Variants in EYS observed in about 807,000 individuals in gnomAD.
EYS encodes EGF-like photoreceptor maintenance factor, also known as protein eyes shut homolog.
A neutral mutation model predicts 282.1 loss-of-function variants in EYS; 250 were observed. The ratio of observed to expected loss-of-function variants is 0.89; its 90% confidence interval spans 0.80 to 0.98. EYS has a LOEUF of 0.98. Ranked by LOEUF, EYS falls within the 50% of genes least tolerant of loss-of-function variation. The pLI is 0.00. For missense variants in EYS, 4,016 were observed against 3,709.0 expected, an observed-to-expected ratio of 1.08 and a Z score of -2.15; for synonymous variants, 1,355 against 1,282.9, an observed-to-expected ratio of 1.06 and a Z score of -1.20.
intron 19 of EYS, among the ~76,000 whole-genome samples, chr6:64,852,716 G>A (rs1474408325): frequency 2.6e-5 from 4 of 152,070 alleles, no homozygotes; most frequent in Admixed American, 2.6e-4. Context: ...GATACAGGGA[G>A]AAATGGCATG....
chr6:65,429,480 T>C (rs541694581), intron 5 of EYS, among the ~76,000 whole-genome samples: 1 of 152,322 alleles, frequency 6.6e-6, no homozygotes, highest in African/African-American at 2.4e-5. Context: ...TATAGCCTTA[T>C]AGCTAAAGAG....
intron 12 of EYS, among the ~76,000 whole-genome samples, chr6:65,149,639 T>C (rs1196306882): frequency 6.6e-6 from 1 of 151,950 alleles, no homozygotes; most frequent in Non-Finnish European, 1.5e-5. Context: ...AGCATTTTGG[T>C]CAAAACCATT....
intron 19 of EYS, among the ~76,000 whole-genome samples, chr6:64,844,635 CT>C (rs1408615210): frequency 4.7e-5 from 7 of 149,362 alleles, no homozygotes; most frequent in African/African-American, 1.8e-4. Flanking sequence ...TGATACCAAG[CT>C]TTTTGAAACC....
intron 12 of EYS, among the ~76,000 whole-genome samples, chr6:65,121,038 A>G (rs1421212793): frequency 6.6e-6 from 1 of 151,576 alleles, no homozygotes; most frequent in East Asian, 1.9e-4. Context: ...TCATTTCCTG[A>G]ATTCATTATG....
chr6:65,287,488 C>G (rs1350812137), intron 12 of EYS, among the ~76,000 whole-genome samples: 1 of 151,472 alleles, frequency 6.6e-6, no homozygotes, highest in African/African-American at 2.4e-5. Flanking sequence ...GTTGCCAGAT[C>G]ACTAATTAAA....
At chr6:65,392,441 C>G (rs147642121) in intron 7 of EYS, among the ~76,000 whole-genome samples, 9,036 of 152,168 alleles carry the variant, frequency 0.059, 406 homozygotes, top group African/African-American at 0.12. Flanking sequence ...GGGCTAATAT[C>G]CAGAATCTAC....
chr6:64,128,771 C>G (rs1481262327), intron 31 of EYS, among the ~76,000 whole-genome samples: 4 of 152,128 alleles, frequency 2.6e-5, no homozygotes, highest in African/African-American at 9.7e-5. Flanking sequence ...TGCATGCCTT[C>G]TAAGCAATAA....
chr6:65,475,756 G>GACACAC (rs545961939), intron 5 of EYS, among the ~76,000 whole-genome samples: 31 of 145,988 alleles, frequency 2.1e-4, no homozygotes, highest in African/African-American at 5.4e-4. Flanking sequence ...CAGACAGACA[G>GACACAC]ACACACACAC....
At chr6:64,004,444 C>A (rs1032216253) in intron 33 of EYS, among the ~76,000 whole-genome samples, 2 of 146,656 alleles carry the variant, frequency 1.4e-5, no homozygotes, top group African/African-American at 5.2e-5. Flanking sequence ...TAAGTATTAT[C>A]AAAGTTTGAA....
At chr6:63,892,641 C>T (rs59178556) in intron 35 of EYS, among the ~76,000 whole-genome samples, 10 of 152,036 alleles carry the variant, frequency 6.6e-5, no homozygotes, top group South Asian at 2.1e-4. Context: ...AAGAAAACCT[C>T]GGCAATACCA....
chr6:63,749,794 G>GC (rs1416374182), intron 41 of EYS, among the ~76,000 whole-genome samples: 1 of 152,086 alleles, frequency 6.6e-6, no homozygotes, highest in Non-Finnish European at 1.5e-5. Flanking sequence ...GTGCATAGTA[G>GC]CCCCCTCCAG....
intron 29 of EYS, among the ~76,000 whole-genome samples, chr6:64,365,722 C>T (rs577762292): frequency 6.6e-6 from 1 of 152,040 alleles, no homozygotes; most frequent in Admixed American, 6.6e-5. Context: ...ATAAATTAGA[C>T]ACAATAAAAT....
intron 2 of EYS, among the ~76,000 whole-genome samples, chr6:65,552,501 T>G (rs1422403807): frequency 6.6e-6 from 1 of 152,168 alleles, no homozygotes; most frequent in Non-Finnish European, 1.5e-5. Flanking sequence ...ACTGCAATTT[T>G]TTTTTCAAAT....
At chr6:64,566,148 A>C (rs1278865192) in intron 26 of EYS, among the ~76,000 whole-genome samples, 1 of 152,108 alleles carries the variant, frequency 6.6e-6, no homozygotes, top group Admixed American at 6.6e-5. Context: ...TATAAGGAGG[A>C]AAGAAGACTT....
At chr6:65,180,139 C>G (rs542743916) in intron 12 of EYS, among the ~76,000 whole-genome samples, 10 of 151,964 alleles carry the variant, frequency 6.6e-5, no homozygotes, top group Admixed American at 6.6e-4. Flanking sequence ...CCTTTGAAAA[C>G]GGGCACAAGA....
At chr6:63,824,641 A>C (rs1771410177) in intron 36 of EYS, among the ~76,000 whole-genome samples, 1 of 152,168 alleles carries the variant, frequency 6.6e-6, no homozygotes. Flanking sequence ...GGAGAAGCTG[A>C]AGGTCCAGGT....
intron 35 of EYS, among the ~76,000 whole-genome samples, chr6:63,956,959 A>G (rs1463273672): frequency 2.0e-5 from 3 of 152,182 alleles, no homozygotes; most frequent in Non-Finnish European, 1.5e-5. Flanking sequence ...CACTTTTACT[A>G]TAGCTTCATC....
At chr6:64,518,245 G>A (rs1777622032) in intron 26 of EYS, among the ~76,000 whole-genome samples, 1 of 151,702 alleles carries the variant, frequency 6.6e-6, no homozygotes, top group South Asian at 2.1e-4. Flanking sequence ...GATTTTGGAT[G>A]TAAAAAACAA....
At chr6:64,077,248 TAGAAG>T (rs933956386) in intron 32 of EYS, among the ~76,000 whole-genome samples, 2 of 151,996 alleles carry the variant, frequency 1.3e-5, no homozygotes, top group African/African-American at 4.8e-5. Flanking sequence ...TCTTTTTCCT[TAGAAG>T]AGAAAAGATG....
Sources: allele counts gnomAD v4.1 joint callset (sites outside exome capture counted in the v4.1 genomes callset), GRCh38; gene constraint gnomAD v4.1.1; transcripts MANE v1.5; gene names NCBI Gene and HGNC (gene_info 2026-07-23, HGNC 2026-07-21).